The following NOXA1 variants were observed in gnomAD, a reference collection of about 807,000 sequenced individuals.
NOXA1 encodes the protein NCF2-like protein.
In NOXA1, 56 loss-of-function variants were observed where a neutral mutation model predicts 64.8. The ratio of observed to expected loss-of-function variants is 0.86; its 90% CI spans 0.70 to 1.08. The LOEUF is 1.08. Ranked by LOEUF, NOXA1 falls within the 50% of genes least tolerant of loss-of-function variation. The pLI, the probability that NOXA1 is intolerant of heterozygous loss-of-function variation, is 0.00. For missense variants in NOXA1, 668 were observed against 658.5 expected (o/e 1.01, Z -0.16); for synonymous variants, 295 against 294.8 (o/e 1.00, Z -0.01).
chr9:137,433,212 G>A lies in NOXA1; in HGVS notation c.858G>A (p.Pro286=), dbSNP rs558403330. 47 of 1,606,826 alleles carry A rather than the reference G, an allele frequency of 2.9e-5. No individual in the cohort carries two copies. The highest frequency in any genetic ancestry group is 2.1e-4 in the South Asian group (19 of 90,434). The change falls in exon 10 of 14, where the codon CCG becomes CCA. Residue 286 remains proline, a synonymous_variant. Coordinates refer to ENST00000683555, the MANE Select transcript of NOXA1 (RefSeq NM_001256067.2). Reference sequence around the variant, plus strand: ...TCTTGCTCTGTCCTACAGGGCTGCCGGCAATGGGGGGGCCTGGCCCCGGCC... The same window carrying A: ...TCTTGCTCTGTCCTACAGGGCTGCCAGCAATGGGGGGGCCTGGCCCCGGCC... ...GKQAPLSPGL[P]AMGGPGPGPC... is the part of the protein sequence containing the mutation.
In NOXA1 at chr9:137,433,746, G is replaced by C; in HGVS notation, c.1065-4G>C. 1 of 1,461,824 alleles carries C rather than the reference G, an allele frequency of 6.8e-7. No homozygotes were observed. The highest frequency in any genetic ancestry group is 9.1e-7 in the Non-Finnish European group (1 of 1,101,172). The allele number at this position is 1,461,824 out of a possible 1,614,324, so 90.6% of individuals were successfully genotyped here. ...GAGGCCCCCTCTGAGGAATCTCTTT[G>C]CAGTTACCTAGCCCCAGGTGAGGAC... On this transcript the variant is annotated splice_region_variant and splice_polypyrimidine_tract_variant and intron_variant, in intron 11 of 13. Transcript: ENST00000683555.
chr9:137,425,083 C>T (rs958684386), intron 1 of NOXA1, among the ~76,000 whole-genome samples: 3 of 152,192 alleles, frequency 2.0e-5, no homozygotes, highest in African/African-American at 4.8e-5. Flanking sequence ...GGCCCTGAGC[C>T]GCCACCCCAC....
Position 137,431,635 on chromosome 9 carries a change from C to T in NOXA1, c.804+294C>T, listed in dbSNP as rs1232689358. Among the ~76,000 whole-genome samples, 4 of 152,162 alleles carry T rather than the reference C, an allele frequency of 2.6e-5. No individual in the cohort carries two copies. The highest frequency in any genetic ancestry group is 5.9e-5 in the Non-Finnish European group (4 of 68,006). ...AGGACCACCTCAGTTTGGCCATTGC[C>T]CCTCCCCTCCCACTGGGGTGCGAGT... is the stretch of plus-strand genomic sequence containing the variant. On this transcript the variant is annotated intron_variant, in intron 8 of 13. Coordinates refer to ENST00000683555, the MANE Select transcript of NOXA1 (RefSeq NM_001256067.2). This position sits in a 1 kb window ranked among gnomAD's most constrained non-coding sequence, Gnocchi z 5.6.
In NOXA1 at chr9:137,431,312, C is replaced by T. The variant is rs369321711; in HGVS notation, c.775C>T (p.Arg259Cys). The change falls in exon 8 of 14, where the codon CGC becomes TGC. Residue 259 changes from arginine (R) to cysteine (C), a missense_variant. Coordinates refer to ENST00000683555, the MANE Select transcript of NOXA1 (RefSeq NM_001256067.2). This position sits in a 1 kb window ranked among gnomAD's most constrained non-coding sequence, Gnocchi z 5.6. ...LDAETEVGADRCTSTAYQEQR... is the reference protein window; with the variant it reads ...LDAETEVGADCCTSTAYQEQR... ...TGCAGAGACAGAGGTCGGTGCTGAC[C>T]GCTGCACGTCGACTGCCTACCAGGA... The T allele has an allele frequency of 8.1e-6, 13 of 1,610,922 alleles. No individual in the cohort carries two copies. The highest frequency in any genetic ancestry group is 2.7e-5 in the African/African-American group (2 of 74,946).
At chr9:137,424,498 G>A (rs1414730064) in intron 1 of NOXA1, among the ~76,000 whole-genome samples, 1 of 152,172 alleles carries the variant, frequency 6.6e-6, no homozygotes, top group Non-Finnish European at 1.5e-5. Flanking sequence ...GGAGTGCCGT[G>A]GCCCAATCTT....
chr9:137,429,911 G>C (rs9694983), intron 5 of NOXA1, among the ~76,000 whole-genome samples: 12,986 of 65,012 alleles, frequency 0.2, 2,906 homozygotes, highest in East Asian at 0.54. Flanking sequence ...ATGCCTGTGT[G>C]CCTGCCACAG....
At chr9:137,430,700 G>GCGCCCTGCTGCTC (rs2131887503) in intron 5 of NOXA1, 84 bp from the exon 6 acceptor site, 1 of 1,245,322 alleles carries the variant, frequency 8.0e-7, no homozygotes. Context: ...ACTTAGAGCT[G>GCGCCCTGCTGCTC]CGGGGCACGG....
chr9:137,429,111 T>A, intron 4 of NOXA1, 95 bp downstream of exon 4: 1 of 1,396,880 alleles, frequency 7.2e-7, no homozygotes, highest in Non-Finnish European at 9.4e-7. Context: ...CGGAGGGAGA[T>A]GGCCCTAGTG....
At chr9:137,426,706 C>T (rs1381879402) in intron 2 of NOXA1, among the ~76,000 whole-genome samples, 1 of 152,066 alleles carries the variant, frequency 6.6e-6, no homozygotes, top group Non-Finnish European at 1.5e-5. Flanking sequence ...CCGAGAGCCT[C>T]GCAATCCTGA....
intron 5 of NOXA1, 32 bp downstream of exon 5, chr9:137,429,415 C>G: frequency 6.9e-7 from 1 of 1,454,306 alleles, no homozygotes; most frequent in Non-Finnish European, 9.4e-7. Context: ...TGGGGCATGG[C>G]GGCTGGTGCT....
chr9:137,428,326 G>C (rs958218314), intron 3 of NOXA1, among the ~76,000 whole-genome samples, 185 bp downstream of exon 3: 1 of 152,156 alleles, frequency 6.6e-6, no homozygotes, highest in Non-Finnish European at 1.5e-5. Flanking sequence ...GGACCATTTT[G>C]TGCCATTTCA....
At position 137,427,657 on chromosome 9, in the gene NOXA1, T is replaced by C. The variant is rs115531890; in HGVS notation, c.261-376T>C. ...GGCGCTGGGGAGCTCCCAGCAAGGC[T>C]TGGAAGGAGGCTCAGAGTTTGGAGG... is the stretch of plus-strand genomic sequence containing the variant. On this transcript the variant is annotated intron_variant, in intron 2 of 13. Transcript: ENST00000683555. Among the ~76,000 whole-genome samples, 400 of 152,194 alleles carry C rather than the reference T, an allele frequency of 2.6e-3. 2 individuals are homozygous for C. The highest frequency in any genetic ancestry group is 9.4e-3 in the African/African-American group (391 of 41,532).
chr9:137,430,880 AC>A (rs1839081131), intron 6 of NOXA1, 37 bp downstream of exon 6: 5 of 1,555,150 alleles, frequency 3.2e-6, no homozygotes, highest in Non-Finnish European at 4.3e-6. Flanking sequence ...GCCTGGCCTC[AC>A]CCAGCTTTCT....
rs1172330201 is a variant in NOXA1, at chr9:137,433,630, G to A, written c.1064+23G>A. ...CAGGTGGGCCAGAAAGCCCCCGGTG[G>A]CTGCGGTGGAGCTGGGCACCGCCCC... On this transcript the variant is annotated intron_variant, in intron 11 of 13. Coordinates refer to ENST00000683555, the MANE Select transcript of NOXA1 (RefSeq NM_001256067.2). 5.2e-6 allele frequency: 8 copies of A among 1,533,148 alleles called. No homozygotes were observed. The Admixed American group carries it at 1.6e-4, about 30-fold the overall frequency. The allele number at this position is 1,533,148 out of a possible 1,614,324, so 95.0% of individuals were successfully genotyped here.
chr9:137,433,802 T>G lies in NOXA1; in HGVS notation c.1117T>G (p.Ser373Ala). Residue 373 changes from serine to alanine, a missense_variant, in exon 12 of 14, where the codon TCG becomes GCG. By Grantham distance (99) the Ser-to-Ala change is moderately conservative. Coordinates refer to ENST00000683555, the MANE Select transcript of NOXA1 (RefSeq NM_001256067.2). ...CTGGGTCCCCATCCCCGAGGAGGAG[T>G]CGCTGCAGAGGGCCTGGCAGGACGC... ...GHWVPIPEEE[S>A]LQRAWQDAAA... The G allele has an allele frequency of 6.9e-7, 1 of 1,450,830 alleles. No individual in the cohort carries two copies. Among genetic ancestry groups the G allele is most frequent in the Non-Finnish European group, 9.1e-7 (1 of 1,098,434 alleles). The allele number at this position is 1,450,830 out of a possible 1,614,324, so 89.9% of individuals were successfully genotyped here. A position where few individuals can be genotyped will look rare whatever the true frequency, so the allele number is the denominator to read the frequency against.
intron 8 of NOXA1, 84 bp from the exon 9 acceptor site, chr9:137,432,945 A>T (rs1933392966): frequency 6.7e-7 from 1 of 1,482,286 alleles, no homozygotes; most frequent in Admixed American, 1.8e-5. Flanking sequence ...CACAGGCCAC[A>T]CCCTTGGTGT....
chr9:137,427,455 A>G (rs1838887120), intron 2 of NOXA1, among the ~76,000 whole-genome samples: 1 of 152,182 alleles, frequency 6.6e-6, no homozygotes, highest in Non-Finnish European at 1.5e-5. Flanking sequence ...GAGATATTTT[A>G]CCTTTCAGAA....
intron 8 of NOXA1, 26 bp from the exon 9 acceptor site, chr9:137,433,003 C>G (rs777493044): frequency 3.1e-6 from 5 of 1,611,870 alleles, no homozygotes; most frequent in Non-Finnish European, 4.2e-6. Flanking sequence ...CCGCCCCAGC[C>G]CACCCAGCCT....
At position 137,433,784 on chromosome 9, in the gene NOXA1, C is replaced by A; in HGVS notation, c.1099C>A (p.Pro367Thr). The A allele has an allele frequency of 6.9e-7, 1 of 1,454,956 alleles. No individual in the cohort carries two copies. The highest frequency in any genetic ancestry group is 9.1e-7 in the Non-Finnish European group (1 of 1,100,182). The allele number at this position is 1,454,956 out of a possible 1,614,324, so 90.1% of individuals were successfully genotyped here. Residue 367 changes from proline (P) to threonine (T), a missense_variant, in exon 12 of 14, where the codon CCC (proline) becomes ACC (threonine). Physicochemically the swap from Pro to Thr is conservative, Grantham distance 38 (BLOSUM62 -1). Transcript: ENST00000683555. Reference sequence around the variant, plus strand: ...CCCAGGTGAGGACGGGCACTGGGTCCCCATCCCCGAGGAGGAGTCGCTGCA... The same window carrying A: ...CCCAGGTGAGGACGGGCACTGGGTCACCATCCCCGAGGAGGAGTCGCTGCA... ...LAPGEDGHWV[P>T]IPEEESLQRA...
Sources: allele counts gnomAD v4.1 joint callset (sites outside exome capture counted in the v4.1 genomes callset), GRCh38; gene constraint gnomAD v4.1.1; non-coding constraint Gnocchi (gnomAD v3.1); transcripts MANE v1.5; gene names NCBI Gene and HGNC (gene_info 2026-07-23, HGNC 2026-07-21).